Variants in CPEB3 observed in about 807,000 individuals in gnomAD.
CPEB3 encodes cytoplasmic polyadenylation element-binding protein 3.
Under a neutral mutation model 67.2 loss-of-function variants are expected in CPEB3, and 20 were observed. The ratio of observed to expected loss-of-function variants is 0.30; its 90% CI spans 0.21 to 0.43. The LOEUF is 0.43. Ranked by LOEUF, CPEB3 falls within the 20% of genes least tolerant of loss-of-function variation. The pLI, the probability that CPEB3 is intolerant of heterozygous loss-of-function variation, is 1.00. For synonymous variants in CPEB3, 376 were observed against 393.1 expected (o/e 0.96, Z 0.51); for missense variants, 746 against 968.6 (o/e 0.77, Z 3.05).
intron 3 of CPEB3, among the ~76,000 whole-genome samples, chr10:92,184,830 GGA>G (rs1175020910): frequency 1.3e-5 from 2 of 152,060 alleles, no homozygotes; most frequent in African/African-American, 4.8e-5. Flanking sequence ...GCAAAAAAAT[GGA>G]GAAAACAAGC....
chr10:92,086,452 T>C (rs1035456949), intron 8 of CPEB3, among the ~76,000 whole-genome samples: 3 of 152,206 alleles, frequency 2.0e-5, no homozygotes, highest in Non-Finnish European at 4.4e-5. Context: ...TGGTACCAAG[T>C]AGACTGTTAC....
intron 1 of CPEB3, among the ~76,000 whole-genome samples, chr10:92,268,968 C>T (rs1049330807): frequency 3.9e-5 from 6 of 152,142 alleles, no homozygotes; most frequent in African/African-American, 1.4e-4. Context: ...CAGAGGGAGA[C>T]ACTGACCCCT....
rs1181315169 is a variant in CPEB3 at position 92,227,597 on chromosome 10, C to CTT, written c.1005+11747_1005+11748dup. 5.6e-5 allele frequency among the ~76,000 whole-genome samples: 8 copies of CTT among 142,380 alleles called. No individual in the cohort carries two copies. In the South Asian group the frequency reaches 1.1e-3, roughly 20 times the overall value. The allele number at this position is 142,380 out of a possible 152,430, so 93.4% of individuals were successfully genotyped here. A position where few individuals can be genotyped will look rare whatever the true frequency, so the allele number is the denominator to read the frequency against. On this transcript the variant is annotated intron_variant, in intron 2 of 9. Coordinates refer to ENST00000265997, the MANE Select transcript of CPEB3 (RefSeq NM_014912.5). ...CTTTATTTACTTATTTTATTTTTTT[C>CTT]TTTTTTTTTTTTTGAGACGGAGTCT... is the stretch of plus-strand genomic sequence containing the variant.
At chr10:92,167,693 G>T (rs1022766859) in intron 4 of CPEB3, among the ~76,000 whole-genome samples, 12 of 152,170 alleles carry the variant, frequency 7.9e-5, no homozygotes, top group African/African-American at 2.7e-4. Context: ...AATCACCTGA[G>T]GTCAGGAGTT....
intron 8 of CPEB3, among the ~76,000 whole-genome samples, chr10:92,086,254 A>T (rs533063695): frequency 2.0e-5 from 3 of 152,354 alleles, no homozygotes; most frequent in African/African-American, 7.2e-5. Context: ...TCTGAAAGAA[A>T]GGAAGATTAA....
intron 2 of CPEB3, among the ~76,000 whole-genome samples, chr10:92,229,050 G>A (rs573475569): frequency 1.3e-5 from 2 of 151,454 alleles, no homozygotes; most frequent in Admixed American, 6.6e-5. Context: ...TAGAGACAGG[G>A]TCTCACTCTG....
At position 92,147,492 on chromosome 10, in the gene CPEB3, A is replaced by T. The variant is rs1007413051; in HGVS notation, c.1223-2407T>A. Among the ~76,000 whole-genome samples, 38 of 152,092 alleles carry T rather than the reference A, an allele frequency of 2.5e-4. 1 individual carries two copies. Among genetic ancestry groups the T allele is most frequent in the Non-Finnish European group, 1.0e-4 (7 of 68,006 alleles). ...ATTAACTTACTCCAGCATTACCCAG[A>T]TGTTAAAGGAACCCTTTACCATACA... On this transcript the variant is annotated intron_variant, in intron 4 of 9. Coordinates refer to ENST00000265997, the MANE Select transcript of CPEB3 (RefSeq NM_014912.5).
At chr10:92,118,848 T>A (rs1164504078) in intron 6 of CPEB3, 2 of 785,732 alleles carry the variant, frequency 2.5e-6, no homozygotes, top group Non-Finnish European at 2.3e-6. Context: ...TCTCTTCCCA[T>A]GGCAATGGCC....
chr10:92,226,530 C>T (rs1335151828), intron 2 of CPEB3, among the ~76,000 whole-genome samples: 2 of 152,174 alleles, frequency 1.3e-5, no homozygotes, highest in Non-Finnish European at 2.9e-5. Context: ...TAAACACACT[C>T]AAAAAATATT....
rs189023549 is a variant in CPEB3 at position 92,108,899 on chromosome 10, C to G, written c.1572+2177G>C. 3.0e-4 allele frequency among the ~76,000 whole-genome samples: 46 copies of G among 152,228 alleles called. 1 individual carries two copies. In the East Asian group the frequency reaches 7.7e-3, roughly 26 times the overall value. ...TGTCACCACAACACCTCCATCTGAC[C>G]CCTACTGCTGCTCACTCCCTGCTCA... On this transcript the variant is annotated intron_variant, in intron 7 of 9. Coordinates refer to ENST00000265997, the MANE Select transcript of CPEB3 (RefSeq NM_014912.5).
intron 9 of CPEB3, among the ~76,000 whole-genome samples, chr10:92,058,594 T>TACATACATACATAC (rs58218665): frequency 1.3e-4 from 17 of 135,476 alleles, no homozygotes; most frequent in East Asian, 4.3e-4. Flanking sequence ...CATACATACA[T>TACATACATACATAC]ATATATATAT....
At chr10:92,208,599 C>CTT (rs1297759358) in intron 2 of CPEB3, among the ~76,000 whole-genome samples, 1 of 133,026 alleles carries the variant, frequency 7.5e-6, no homozygotes. Context: ...TTTTTTCTTT[C>CTT]TTTTTTTTTT....
At chr10:92,167,407 CTCTT>C (rs1847795797) in intron 4 of CPEB3, among the ~76,000 whole-genome samples, 1 of 152,158 alleles carries the variant, frequency 6.6e-6, no homozygotes, top group South Asian at 2.1e-4. Flanking sequence ...AGGTGTGCAA[CTCTT>C]TCTTTCACTT....
At chr10:92,236,408 T>C (rs547980845) in intron 2 of CPEB3, among the ~76,000 whole-genome samples, 150 of 152,294 alleles carry the variant, frequency 9.8e-4, no homozygotes, top group African/African-American at 3.5e-3. Context: ...CAATAAACTT[T>C]ATTAGAATAA....
intron 3 of CPEB3, among the ~76,000 whole-genome samples, chr10:92,186,071 A>G (rs1848674122): frequency 6.6e-6 from 1 of 151,980 alleles, no homozygotes; most frequent in Admixed American, 6.6e-5. Context: ...CTCGAGAACA[A>G]TTAAATCACA....
intron 9 of CPEB3, among the ~76,000 whole-genome samples, chr10:92,074,588 C>T (rs1308180042): frequency 1.3e-5 from 2 of 152,008 alleles, no homozygotes; most frequent in South Asian, 2.1e-4. Context: ...AGCCAGGCAA[C>T]GTATGTATAA....
intron 6 of CPEB3, among the ~76,000 whole-genome samples, chr10:92,133,388 C>T (rs962045394): frequency 2.0e-5 from 3 of 152,186 alleles, no homozygotes; most frequent in Non-Finnish European, 2.9e-5. Flanking sequence ...ATACTATAAA[C>T]ACCTCTACAC....
intron 2 of CPEB3, among the ~76,000 whole-genome samples, chr10:92,205,852 A>C (rs779705989): frequency 2.0e-5 from 3 of 152,128 alleles, no homozygotes; most frequent in African/African-American, 4.8e-5. Context: ...TAAGCATTCC[A>C]GGGAGAAAAG....
At chr10:92,110,030 A>G (rs998295641) in intron 7 of CPEB3, among the ~76,000 whole-genome samples, 1 of 152,204 alleles carries the variant, frequency 6.6e-6, no homozygotes, top group African/African-American at 2.4e-5. Context: ...CCCAGGGAAG[A>G]ATGATTATTC....
Sources: allele counts gnomAD v4.1 joint callset (sites outside exome capture counted in the v4.1 genomes callset), GRCh38; gene constraint gnomAD v4.1.1; transcripts MANE v1.5; gene names NCBI Gene and HGNC (gene_info 2026-07-23, HGNC 2026-07-21).